Variants in SEMA6D observed in about 807,000 individuals in gnomAD.
SEMA6D encodes the protein semaphorin 6D.
SEMA6D carries 35 observed loss-of-function variants against 106.6 expected under a neutral mutation model. The observed-to-expected ratio is 0.33, with a 90% CI of 0.25 to 0.44. SEMA6D has a LOEUF of 0.44. Among genes scored for constraint, SEMA6D ranks in the 20% least tolerant of loss-of-function variants. The pLI is 1.00. For synonymous variants in SEMA6D, 499 were observed against 487.7 expected, an observed-to-expected ratio of 1.02 and a Z score of -0.31; for missense variants, 1,185 against 1,345.9, an observed-to-expected ratio of 0.88 and a Z score of 1.87.
intron 1 of SEMA6D, among the ~76,000 whole-genome samples, chr15:47,223,243 T>TA (rs1385673769): frequency 3.9e-5 from 6 of 152,254 alleles, no homozygotes; most frequent in Admixed American, 2.0e-4. Flanking sequence ...TGCCAAAACT[T>TA]ATCAATCTAT....
chr15:47,258,466 C>G (rs1430759654), intron 1 of SEMA6D, among the ~76,000 whole-genome samples: 1 of 152,158 alleles, frequency 6.6e-6, no homozygotes, highest in Non-Finnish European at 1.5e-5. Context: ...ATCATCCAAT[C>G]TGCTCAGGAC....
At chr15:47,413,646 C>A (rs1262452890) in intron 2 of SEMA6D, among the ~76,000 whole-genome samples, 1 of 151,774 alleles carries the variant, frequency 6.6e-6, no homozygotes, top group Non-Finnish European at 1.5e-5. Flanking sequence ...ACTATGCCTT[C>A]CTAATTAAAA....
At chr15:47,763,185 CTTGGCATGT>C in intron 9 of SEMA6D, 81 bp downstream of exon 9, 1 of 1,080,384 alleles carries the variant, frequency 9.3e-7, no homozygotes, top group Non-Finnish European at 1.3e-6. Context: ...AGGATGCTCA[CTTGGCATGT>C]TTTCCAGCTC....
At chr15:47,760,230 A>G (rs2081987011) in intron 2 of SEMA6D, 74 bp from the exon 3 acceptor site, 2 of 1,025,788 alleles carry the variant, frequency 1.9e-6, no homozygotes, top group African/African-American at 3.2e-5. Context: ...AAGTATATAC[A>G]GCTAATCAAT....
chr15:47,651,616 T>G (rs1301596526), intron 4 of SEMA6D, among the ~76,000 whole-genome samples: 2 of 152,218 alleles, frequency 1.3e-5, no homozygotes, highest in African/African-American at 4.8e-5. Context: ...TCACATACCC[T>G]GCCCCTGTTT....
At chr15:47,255,440 G>T (rs1223025480) in intron 1 of SEMA6D, among the ~76,000 whole-genome samples, 1 of 150,324 alleles carries the variant, frequency 6.7e-6, no homozygotes, top group Non-Finnish European at 1.5e-5. Flanking sequence ...GTTTATTTTT[G>T]CTTTGATCTT....
intron 3 of SEMA6D, among the ~76,000 whole-genome samples, chr15:47,574,614 AAC>A (rs1357117775): frequency 6.6e-6 from 1 of 152,222 alleles, no homozygotes; most frequent in Non-Finnish European, 1.5e-5. Flanking sequence ...ATTTCTAAAG[AAC>A]AGTTATCTTT....
chr15:47,609,436 G>A (rs912225081), intron 4 of SEMA6D, among the ~76,000 whole-genome samples: 2 of 152,208 alleles, frequency 1.3e-5, no homozygotes, highest in East Asian at 1.9e-4. Context: ...TTTAAAAACA[G>A]AAAACAGAAG....
intron 3 of SEMA6D, among the ~76,000 whole-genome samples, chr15:47,520,629 G>T (rs114832259): frequency 0.011 from 1,613 of 152,330 alleles, 31 homozygotes; most frequent in African/African-American, 0.037. Flanking sequence ...TCTGGAAGCT[G>T]GTTGTTTCTG....
At chr15:47,748,987 T>C (rs2081284578) in intron 1 of SEMA6D, among the ~76,000 whole-genome samples, 1 of 151,730 alleles carries the variant, frequency 6.6e-6, no homozygotes, top group African/African-American at 2.4e-5. Context: ...CGGGGCCGTC[T>C]AGGAAGACTC....
intron 1 of SEMA6D, among the ~76,000 whole-genome samples, chr15:47,405,793 G>A (rs2040546262): frequency 6.6e-6 from 1 of 152,076 alleles, no homozygotes; most frequent in Admixed American, 6.6e-5. Context: ...TTAGAGCAGG[G>A]GATGTCATCT....
intron 2 of SEMA6D, among the ~76,000 whole-genome samples, chr15:47,415,317 C>T (rs281215): frequency 0.63 from 95,328 of 151,998 alleles, 30,348 homozygotes; most frequent in Middle Eastern, 0.69. Flanking sequence ...AAAATTACTC[C>T]AAATGAGAGT....
chr15:47,408,269 A>C (rs769739718), intron 1 of SEMA6D, among the ~76,000 whole-genome samples: 5 of 152,120 alleles, frequency 3.3e-5, no homozygotes, highest in Non-Finnish European at 7.4e-5. Flanking sequence ...CCCCACTGAG[A>C]CTTACTGCAT....
intron 1 of SEMA6D, among the ~76,000 whole-genome samples, chr15:47,337,032 C>G (rs2037592767): frequency 6.6e-6 from 1 of 152,052 alleles, no homozygotes; most frequent in African/African-American, 2.4e-5. Context: ...ATGGCCTGGC[C>G]ATACACTCAG....
chr15:47,675,378 G>A (rs968916722), intron 4 of SEMA6D, among the ~76,000 whole-genome samples: 18 of 152,164 alleles, frequency 1.2e-4, no homozygotes, highest in African/African-American at 4.3e-4. Context: ...GTCCTCGCAA[G>A]AAGAGGAAAC....
intron 3 of SEMA6D, among the ~76,000 whole-genome samples, chr15:47,521,877 C>G (rs1000682990): frequency 6.6e-6 from 1 of 151,230 alleles, no homozygotes; most frequent in East Asian, 2.0e-4. Context: ...CCCAGCTACT[C>G]GGGAGGCTGA....
chr15:47,675,474 A>G (rs1281504978), intron 4 of SEMA6D, among the ~76,000 whole-genome samples: 1 of 152,144 alleles, frequency 6.6e-6, no homozygotes, highest in African/African-American at 2.4e-5. Context: ...CTGCAAGACA[A>G]GGAGAGGGAC....
At chr15:47,624,434 C>G (rs1299426799) in intron 4 of SEMA6D, among the ~76,000 whole-genome samples, 1 of 152,098 alleles carries the variant, frequency 6.6e-6, no homozygotes, top group Non-Finnish European at 1.5e-5. Flanking sequence ...TTTTTATTAC[C>G]TCTGTGAAAA....
At chr15:47,240,250 T>G (rs1314202814) in intron 1 of SEMA6D, among the ~76,000 whole-genome samples, 1 of 152,218 alleles carries the variant, frequency 6.6e-6, no homozygotes, top group Non-Finnish European at 1.5e-5. Context: ...AGTAGACTTA[T>G]AGGTTTTTGG....
Sources: gnomAD v4.1 joint callset for allele counts (sites outside exome capture counted in the v4.1 genomes callset) on GRCh38, gnomAD v4.1.1 for gene constraint, MANE v1.5 for transcripts, NCBI Gene and HGNC (gene_info 2026-07-23, HGNC 2026-07-21) for gene names.